VPS13A: variants seen among roughly 807,000 people sequenced by gnomAD.
VPS13A encodes vacuolar protein sorting 13 homolog A.
A neutral mutation model predicts 390.9 loss-of-function variants in VPS13A; 264 were observed. That is an observed-to-expected ratio of 0.68 (90% CI 0.61 to 0.75). The LOEUF (loss-of-function observed/expected upper bound fraction) is 0.75. Among genes scored for constraint, VPS13A ranks in the 30% least tolerant of loss-of-function variants. VPS13A has a pLI of 0.00. For synonymous variants in VPS13A, 1,231 were observed against 1,227.1 expected (o/e 1.00, Z -0.07); for missense variants, 3,409 against 3,733.9 (o/e 0.91, Z 2.27).
At chr9:77,395,052 T>G (rs911261123) in intron 68 of VPS13A, among the ~76,000 whole-genome samples, 2 of 152,210 alleles carry the variant, frequency 1.3e-5, no homozygotes, top group African/African-American at 4.8e-5. Context: ...AGTAACACTT[T>G]CATAATACTT....
Position 77,260,130 on chromosome 9 carries a change from C to T in VPS13A, c.2333C>T (p.Ser778Leu). Reference sequence around the variant, plus strand: ...TTACCTCTTATTTCTTTACGAATCTCAGATAAAAAACTACAAGGGATTATG... The same window carrying T: ...TTACCTCTTATTTCTTTACGAATCTTAGATAAAAAACTACAAGGGATTATG... The part of the protein sequence containing the change: ...GKLPLISLRI[S>L]DKKLQGIMEL... Residue 778 changes from serine to leucine, a missense_variant, in exon 23 of 72, where the codon TCA becomes TTA. Transcript: ENST00000360280. 2 of 1,578,098 alleles carry T rather than the reference C, an allele frequency of 1.3e-6. No individual in the cohort carries two copies. Among genetic ancestry groups the T allele is most frequent in the Non-Finnish European group, 1.7e-6 (2 of 1,148,958 alleles).
chr9:77,237,488 C>T (rs912727029), intron 17 of VPS13A, among the ~76,000 whole-genome samples: 1 of 152,068 alleles, frequency 6.6e-6, no homozygotes, highest in African/African-American at 2.4e-5. Flanking sequence ...CCTCAGCCTC[C>T]CGAGTAGCTG....
chr9:77,420,488 A>G lies in VPS13A; in HGVS notation c.*4482A>G, dbSNP rs1232370956. 1 of 152,128 alleles carries G rather than the reference A, an allele frequency of 6.6e-6. No individual in the cohort carries two copies. The highest frequency in any genetic ancestry group is 6.5e-5 in the Admixed American group (1 of 15,268). The allele number at this position is 152,128 out of a possible 1,614,324, so 9.4% of individuals were successfully genotyped here. ...GCATTATGGCATTTTCAAAAAAAAA[A>G]TTATTTTGGTTACCCAAAAAGCTAT... On this transcript the variant is annotated 3_prime_UTR_variant, in exon 72 of 72. Transcript: ENST00000360280.
At chr9:77,336,665 C>T (rs1188261457) in intron 46 of VPS13A, among the ~76,000 whole-genome samples, 2 of 151,008 alleles carry the variant, frequency 1.3e-5, no homozygotes, top group South Asian at 2.1e-4. Context: ...ATAACTGATA[C>T]GATTCATGTA....
intron 23 of VPS13A, among the ~76,000 whole-genome samples, chr9:77,273,003 C>G (rs1362828889): frequency 1.3e-5 from 2 of 152,128 alleles, no homozygotes; most frequent in African/African-American, 4.8e-5. Context: ...ACTATGTTGA[C>G]TTAAAATATA....
At chr9:77,328,932 A>G (rs1830149625) in intron 45 of VPS13A, among the ~76,000 whole-genome samples, 1 of 152,228 alleles carries the variant, frequency 6.6e-6, no homozygotes. Context: ...ACTTACAATC[A>G]TGGCAGAAGG....
At chr9:77,316,131 A>C in intron 38 of VPS13A, 43 bp from the exon 39 acceptor site, 7 of 1,112,286 alleles carry the variant, frequency 6.3e-6, no homozygotes, top group Non-Finnish European at 8.6e-6. Context: ...TAAATTATTC[A>C]TAATATATAG....
At chr9:77,369,752 C>T (rs1832643896) in intron 63 of VPS13A, among the ~76,000 whole-genome samples, 1 of 152,176 alleles carries the variant, frequency 6.6e-6, no homozygotes, top group African/African-American at 2.4e-5. Flanking sequence ...GCCAAGCAAT[C>T]TTAAAAATCA....
At position 77,340,449 on chromosome 9, in the gene VPS13A, G is replaced by A; in HGVS notation, c.6925G>A (p.Val2309Met). 1.2e-6 allele frequency: 2 copies of A among 1,613,232 alleles called. No individual in the cohort carries two copies. The highest frequency in any genetic ancestry group is 1.7e-6 in the Non-Finnish European group (2 of 1,179,642). The change falls in exon 50 of 72, where the codon GTG becomes ATG. Residue 2309 changes from valine (V) to methionine (M), a missense_variant. By Grantham distance (21) the Val-to-Met change is conservative. Transcript: ENST00000360280. ...GAGCAGTTTTAACATTACTAGAATT[G>A]TGACATTTACCCCTTTTTATATGAT... ...DLSSFNITRIVTFTPFYMIKN... is the reference protein window; with the variant it reads ...DLSSFNITRIMTFTPFYMIKN...
chr9:77,185,511 T>G (rs1271971227), intron 1 of VPS13A, among the ~76,000 whole-genome samples: 6 of 152,180 alleles, frequency 3.9e-5, no homozygotes, highest in Non-Finnish European at 8.8e-5. Flanking sequence ...GTTGGAGAAT[T>G]GTTTAGGGAT....
At chr9:77,177,921 C>A (rs1823740087) in intron 1 of VPS13A, 117 bp downstream of exon 1, 2 of 839,888 alleles carry the variant, frequency 2.4e-6, no homozygotes, top group Admixed American at 2.2e-5. Flanking sequence ...GTGCAGCCAC[C>A]TGCCGCCGCC....
chr9:77,246,442 C>A (rs1324795591), intron 19 of VPS13A, among the ~76,000 whole-genome samples: 1 of 151,326 alleles, frequency 6.6e-6, no homozygotes, highest in Non-Finnish European at 1.5e-5. Context: ...AGGTTATATT[C>A]AAATATACTG....
At chr9:77,398,822 A>G (rs1834227837) in intron 68 of VPS13A, among the ~76,000 whole-genome samples, 1 of 152,048 alleles carries the variant, frequency 6.6e-6, no homozygotes, top group East Asian at 1.9e-4. Flanking sequence ...ATAACAAAGG[A>G]TACGGTTGGC....
chr9:77,254,723 A>G (rs1349086936), intron 22 of VPS13A, among the ~76,000 whole-genome samples: 1 of 152,184 alleles, frequency 6.6e-6, no homozygotes, highest in African/African-American at 2.4e-5. Flanking sequence ...AGGTCTCAGT[A>G]CTAAAGTCTC....
chr9:77,307,059 A>G (rs1266904811), intron 34 of VPS13A, among the ~76,000 whole-genome samples: 25 of 151,932 alleles, frequency 1.6e-4, no homozygotes, highest in Non-Finnish European at 2.9e-5. Flanking sequence ...GGTGTGCACT[A>G]TGCCTGGCTA....
intron 3 of VPS13A, among the ~76,000 whole-genome samples, chr9:77,202,862 G>C (rs1036052545): frequency 6.6e-6 from 1 of 152,164 alleles, no homozygotes; most frequent in Non-Finnish European, 1.5e-5. Flanking sequence ...GTGTACCTCT[G>C]TCGTAGCACC....
intron 71 of VPS13A, among the ~76,000 whole-genome samples, chr9:77,411,721 C>G (rs559073337): frequency 1.4e-5 from 2 of 139,516 alleles, no homozygotes; most frequent in Admixed American, 7.2e-5. Context: ...CATTCAAAAG[C>G]TAGCAGAAGG....
intron 59 of VPS13A, among the ~76,000 whole-genome samples, chr9:77,361,283 T>G (rs1266904874): frequency 6.6e-6 from 1 of 152,158 alleles, no homozygotes; most frequent in Non-Finnish European, 1.5e-5. Flanking sequence ...TGATACACTT[T>G]GTGTCTTTAG....
At chr9:77,261,998 T>A (rs1231931260) in intron 23 of VPS13A, among the ~76,000 whole-genome samples, 1 of 152,128 alleles carries the variant, frequency 6.6e-6, no homozygotes, top group African/African-American at 2.4e-5. Flanking sequence ...TGTCTTCTGG[T>A]TTTGATATGC....
Sources: allele counts gnomAD v4.1 joint callset (sites outside exome capture counted in the v4.1 genomes callset), GRCh38; gene constraint gnomAD v4.1.1; transcripts MANE v1.5; gene names NCBI Gene and HGNC (gene_info 2026-07-23, HGNC 2026-07-21).